ZNF676: variants seen among roughly 807,000 people sequenced by gnomAD.
The protein encoded by ZNF676 is zinc finger protein 676.
A neutral mutation model predicts 6.0 loss-of-function variants in ZNF676; 4 were observed. The observed-to-expected ratio is 0.67, with a 90% CI of 0.33 to 1.53. The LOEUF is 1.53. ZNF676 is among the 40% of genes most tolerant of loss of function. The probability of loss-of-function intolerance (pLI) is 0.06; values close to 1 mark genes in which losing one functional copy is unlikely to be tolerated. For synonymous variants in ZNF676, 198 were observed against 223.1 expected, an observed-to-expected ratio of 0.89 and a Z score of 1.00; for missense variants, 644 against 679.7, an observed-to-expected ratio of 0.95 and a Z score of 0.58.
At chr19:22,200,438 G>A (rs374373998), upstream of ZNF676, among the ~76,000 whole-genome samples, 5 of 150,740 alleles carry the variant, frequency 3.3e-5, no homozygotes, top group Admixed American at 2.0e-4. Context: ...ACCATATGAT[G>A]CATAATTCAA....
chr19:22,217,309 G>A (rs533384676), upstream of ZNF676, among the ~76,000 whole-genome samples: 7 of 152,134 alleles, frequency 4.6e-5, no homozygotes, highest in African/African-American at 1.4e-4. Flanking sequence ...TTCAAGCGAT[G>A]CTCCTGCCTC....
At chr19:22,204,744 G>T (rs902488581) in intron 1 of ZNF676, among the ~76,000 whole-genome samples, 7 of 152,028 alleles carry the variant, frequency 4.6e-5, no homozygotes, top group Non-Finnish European at 7.4e-5. Context: ...CAACAAATCT[G>T]TGTCTACTTT....
At chr19:22,183,230 G>T (rs1250472587) in intron 2 of ZNF676, among the ~76,000 whole-genome samples, 1 of 151,968 alleles carries the variant, frequency 6.6e-6, no homozygotes, top group Non-Finnish European at 1.5e-5. Context: ...CAAGATGAAA[G>T]AATTAAATAG....
At chr19:22,182,394 A>G (rs1234242292) in intron 2 of ZNF676, among the ~76,000 whole-genome samples, 1 of 152,052 alleles carries the variant, frequency 6.6e-6, no homozygotes, top group Non-Finnish European at 1.5e-5. Context: ...AAAATATTAT[A>G]AAGTTTTCAG....
chr19:22,255,625 C>T, the ZNF676 span, among the ~76,000 whole-genome samples: 1 of 152,198 alleles, frequency 6.6e-6, no homozygotes, highest in East Asian at 1.9e-4. Context: ...GTGGGTGAAT[C>T]ACAAAGTCAG....
the ZNF676 span, among the ~76,000 whole-genome samples, chr19:22,229,755 C>T: frequency 6.6e-6 from 1 of 152,114 alleles, no homozygotes; most frequent in Non-Finnish European, 1.5e-5. Flanking sequence ...AAAAAGCTCA[C>T]TGTCACTAGT....
the ZNF676 span, among the ~76,000 whole-genome samples, chr19:22,225,367 G>C: frequency 2.0e-5 from 3 of 152,284 alleles, no homozygotes; most frequent in Admixed American, 2.0e-4. Flanking sequence ...GGGACATATA[G>C]ATTACTTCAG....
the ZNF676 span, among the ~76,000 whole-genome samples, chr19:22,251,045 G>T: frequency 6.6e-6 from 1 of 152,140 alleles, no homozygotes; most frequent in African/African-American, 2.4e-5. Context: ...TCAGGAGCCT[G>T]AAGTTGTCTT....
the ZNF676 span, among the ~76,000 whole-genome samples, chr19:22,259,431 G>GA: frequency 2.6e-5 from 4 of 152,134 alleles, no homozygotes; most frequent in East Asian, 3.9e-4. Flanking sequence ...GACCCAGGAA[G>GA]AAAAAAAGTC....
chr19:22,214,598 CAAAAA>C (rs71924274), intron 1 of ZNF676, among the ~76,000 whole-genome samples: 1 of 86,988 alleles, frequency 1.1e-5, no homozygotes, highest in Non-Finnish European at 2.5e-5. Context: ...GACTTGGTCT[CAAAAA>C]AAAAAAAAAA....
At chr19:22,195,837 C>T (rs28790613) in intron 1 of ZNF676, among the ~76,000 whole-genome samples, 65,280 of 152,068 alleles carry the variant, frequency 0.43, 14,982 homozygotes, top group African/African-American at 0.59. Context: ...ACCTTTGATA[C>T]TGGTGAATTA....
the ZNF676 span, among the ~76,000 whole-genome samples, chr19:22,227,420 A>T: frequency 6.6e-6 from 1 of 152,240 alleles, no homozygotes; most frequent in Non-Finnish European, 1.5e-5. Flanking sequence ...AAAGGTCTAA[A>T]ATCAACATCC....
chr19:22,181,529 A>G lies in ZNF676; in HGVS notation c.188T>C (p.Phe63Ser), dbSNP rs2023752481. The G allele has an allele frequency of 1.9e-6, 3 of 1,610,670 alleles. No homozygotes were observed. The highest frequency in any genetic ancestry group is 1.1e-5 in the South Asian group (1 of 90,570). ...FWPEQGIEDS[F>S]QKMILRRYDK... ...ATATCTTCTCAATATCATTTTTTGG[A>G]AAGAATCTTCTATGCCTTGCTCTGG... Residue 63 changes from phenylalanine (F) to serine (S), a missense_variant, in exon 3 of 3, where the codon TTC becomes TCC. Around this residue, in one of 5 missense-constraint regions of ZNF676, gnomAD observed 280 missense variants for 269.3 expected, o/e 1.04. Coordinates refer to ENST00000397121, the MANE Select transcript of ZNF676 (RefSeq NM_001001411.3).
At chr19:22,208,036 T>C (rs1426813850) in intron 1 of ZNF676, among the ~76,000 whole-genome samples, 3 of 145,892 alleles carry the variant, frequency 2.1e-5, no homozygotes, top group East Asian at 2.0e-4. Flanking sequence ...ATTCTAGACA[T>C]AGAAACTGTC....
intron 1 of ZNF676, among the ~76,000 whole-genome samples, chr19:22,206,959 T>C (rs1033336620): frequency 1.3e-5 from 2 of 152,150 alleles, no homozygotes; most frequent in African/African-American, 4.8e-5. Context: ...AATAGTAAGT[T>C]ATCTATGACA....
At chr19:22,247,541 G>A in the ZNF676 span, among the ~76,000 whole-genome samples, 3 of 150,970 alleles carry the variant, frequency 2.0e-5, no homozygotes, top group Non-Finnish European at 2.9e-5. Context: ...TCCAGCCTGG[G>A]CAACAAGAGG....
At chr19:22,229,342 A>C in the ZNF676 span, among the ~76,000 whole-genome samples, 1 of 152,334 alleles carries the variant, frequency 6.6e-6, no homozygotes, top group East Asian at 1.9e-4. Flanking sequence ...ACCATATACA[A>C]AAATTAACTC....
intron 1 of ZNF676, among the ~76,000 whole-genome samples, chr19:22,212,414 AG>A (rs1337422312): frequency 1.3e-5 from 2 of 151,754 alleles, no homozygotes; most frequent in African/African-American, 4.8e-5. Flanking sequence ...TAAAAAACTG[AG>A]GTCAGCCGGG....
intron 1 of ZNF676, among the ~76,000 whole-genome samples, chr19:22,211,147 C>T (rs529356710): frequency 3.2e-4 from 48 of 150,666 alleles, no homozygotes; most frequent in Non-Finnish European, 6.3e-4. Flanking sequence ...CCTCTCAAAA[C>T]TGCCTCAAAA....
Sources: allele counts gnomAD v4.1 joint callset (sites outside exome capture counted in the v4.1 genomes callset), GRCh38; gene constraint gnomAD v4.1.1; regional missense constraint gnomAD v4.1.1; transcripts MANE v1.5; gene names NCBI Gene and HGNC (gene_info 2026-07-23, HGNC 2026-07-21).